The following GIGYF2 variants were observed in gnomAD, a reference collection of about 807,000 sequenced individuals.
GIGYF2 encodes the protein GRB10 interacting GYF protein 2.
Under a neutral mutation model 208.1 loss-of-function variants are expected in GIGYF2, and 25 were observed. The observed-to-expected ratio is 0.12, with a 90% CI of 0.09 to 0.17. The LOEUF (loss-of-function observed/expected upper bound fraction) is 0.17, where lower values mean the gene tolerates loss of function less well. GIGYF2 is among the 10% of genes least tolerant of loss of function. The pLI is 1.00. For synonymous variants in GIGYF2, 534 were observed against 543.8 expected, an observed-to-expected ratio of 0.98 and a Z score of 0.25; for missense variants, 1,302 against 1,579.4, an observed-to-expected ratio of 0.82 and a Z score of 2.98.
Position 232,760,532 on chromosome 2 carries a change from G to A in GIGYF2, c.432G>A (p.Glu144=). The A allele has an allele frequency of 6.2e-7, 1 of 1,613,816 alleles. No homozygotes were observed. The highest frequency in any genetic ancestry group is 8.5e-7 in the Non-Finnish European group (1 of 1,179,858). ...ACCAAAGAAGTTTTGATGAAGTAGAGGGTGTTTTTGGTCGAGGAGGTGGCA... is the reference window on the plus strand; with the variant it reads ...ACCAAAGAAGTTTTGATGAAGTAGAAGGTGTTTTTGGTCGAGGAGGTGGCA... The part of the protein sequence containing the change: ...GFYQRSFDEV[E]GVFGRGGGRE... Residue 144 remains glutamate, a synonymous_variant, in exon 7 of 29, where the codon GAG becomes GAA. Coordinates refer to ENST00000373563, the MANE Select transcript of GIGYF2 (RefSeq NM_001103146.3).
In GIGYF2 at chr2:232,796,051, TCTGTTA is replaced by T; in HGVS notation, c.1480-8_1480-3del. 6.2e-7 allele frequency: 1 copy of T among 1,603,840 alleles called. No individual in the cohort carries two copies. Among genetic ancestry groups the T allele is most frequent in the Non-Finnish European group, 8.5e-7 (1 of 1,170,650 alleles). ...CATTTGTTTCCTTGATTTTTGTTTT[TCTGTTA>T]CTAGCAAGCTGAGAAAATGGTGGCT... On this transcript the variant is annotated splice_polypyrimidine_tract_variant and splice_region_variant and intron_variant, in intron 13 of 28. Transcript: ENST00000373563.
At chr2:232,769,731 C>G (rs1251681266) in intron 8 of GIGYF2, among the ~76,000 whole-genome samples, 1 of 151,682 alleles carries the variant, frequency 6.6e-6, no homozygotes, top group Non-Finnish European at 1.5e-5. Flanking sequence ...TTGGTAAGGT[C>G]TAAGAAGTAA....
intron 14 of GIGYF2, among the ~76,000 whole-genome samples, chr2:232,802,102 T>G (rs985453928): frequency 1.3e-5 from 2 of 152,220 alleles, no homozygotes; most frequent in African/African-American, 2.4e-5. Flanking sequence ...AACTGATTTT[T>G]CAGCGTTGAC....
chr2:232,710,236 G>A lies in GIGYF2; in HGVS notation c.-44+6747G>A, dbSNP rs376531223. 5.1e-3 allele frequency among the ~76,000 whole-genome samples: 781 copies of A among 152,206 alleles called. 4 individuals carry two copies. The highest frequency in any genetic ancestry group is 0.018 in the African/African-American group (756 of 41,522). ...GGCCTCCCAAAGTGCTGGGATTACA[G>A]GTGTGAGCCACCGCGCCTGGCCTAA... is the stretch of plus-strand genomic sequence containing the variant. On this transcript the variant is annotated intron_variant, in intron 2 of 28. Coordinates refer to ENST00000373563, the MANE Select transcript of GIGYF2 (RefSeq NM_001103146.3).
chr2:232,722,408 T>C (rs1696986197), intron 2 of GIGYF2: 1 of 152,088 alleles, frequency 6.6e-6, no homozygotes. Flanking sequence ...GAGAACAGCA[T>C]GGGGGAAACC....
intron 3 of GIGYF2, among the ~76,000 whole-genome samples, chr2:232,736,963 A>G (rs1376528902): frequency 2.0e-5 from 3 of 152,350 alleles, no homozygotes; most frequent in East Asian, 3.9e-4. Context: ...ATCAATACAC[A>G]TTTAGCTTGA....
intron 14 of GIGYF2, among the ~76,000 whole-genome samples, chr2:232,801,529 T>C (rs1170242660): frequency 6.6e-6 from 1 of 152,208 alleles, no homozygotes; most frequent in Non-Finnish European, 1.5e-5. Context: ...AAAAGACATA[T>C]ACATTATATA....
intron 8 of GIGYF2, among the ~76,000 whole-genome samples, chr2:232,772,557 C>T (rs1323828167): frequency 1.3e-5 from 2 of 152,166 alleles, no homozygotes; most frequent in African/African-American, 4.8e-5. Flanking sequence ...ATCCTTTTCT[C>T]AAGGTGGTGA....
At chr2:232,847,226 C>A in intron 26 of GIGYF2, 122 bp from the exon 27 acceptor site, 1 of 957,236 alleles carries the variant, frequency 1.0e-6, no homozygotes, top group South Asian at 1.3e-5. Flanking sequence ...TGCATACTTA[C>A]CAAGTGTCTG....
At position 232,760,556 on chromosome 2, in the gene GIGYF2, C is replaced by G. The variant is rs1274137864; in HGVS notation, c.456C>G (p.Gly152=). 6.2e-7 allele frequency: 1 copy of G among 1,612,282 alleles called. No homozygotes were observed. The highest frequency in any genetic ancestry group is 8.5e-7 in the Non-Finnish European group (1 of 1,178,816). The change falls in exon 7 of 29, where the codon GGC becomes GGG. Residue 152 remains glycine, a synonymous_variant. Transcript: ENST00000373563. ...EVEGVFGRGG[G]REMHRSQSWE... is the part of the protein sequence containing the mutation. ...AGGGTGTTTTTGGTCGAGGAGGTGG[C>G]AGAGAAATGCATAGATCGCAGAGCT... is the stretch of plus-strand genomic sequence containing the variant.
rs149969897 is a variant in GIGYF2, at chr2:232,856,806, T to C, written c.3846T>C (p.Asn1282=). The part of the protein sequence containing the change: ...ADPSLLGFSV[N]ASSERLNMGE... ...TTTTTTCTGCAGGATTTTCAGTCAA[T>C]GCATCATCGGAGCGACTCAACATGG... The change falls in exon 29 of 29, where the codon AAT becomes AAC. Residue 1282 remains asparagine, a synonymous_variant. Coordinates refer to ENST00000373563, the MANE Select transcript of GIGYF2 (RefSeq NM_001103146.3). 3.8e-4 allele frequency: 619 copies of C among 1,612,868 alleles called. No homozygotes were observed. Among genetic ancestry groups the C allele is most frequent in the Non-Finnish European group, 5.0e-4 (593 of 1,178,916 alleles).
At position 232,796,120 on chromosome 2, in the gene GIGYF2, C is replaced by A; in HGVS notation, c.1538C>A (p.Ala513Glu). 2 of 1,604,116 alleles carry A rather than the reference C, an allele frequency of 1.2e-6. No homozygotes were observed. The highest frequency in any genetic ancestry group is 1.7e-6 in the Non-Finnish European group (2 of 1,170,878). ...QDSALDDERL[A>E]SKLQEHRAKG... Reference sequence around the variant, plus strand: ...AGTGCACTAGATGATGAAAGATTGGCATCAAAACTGCAAGAGCACAGAGCT... The same window carrying A: ...AGTGCACTAGATGATGAAAGATTGGAATCAAAACTGCAAGAGCACAGAGCT... Residue 513 changes from alanine to glutamate, a missense_variant, in exon 14 of 29, where the codon GCA becomes GAA. By Grantham distance (107) the Ala-to-Glu change is moderately radical. This residue lies in a region of GIGYF2 where 69 missense variants were observed against 132.8 expected (regional missense o/e 0.52). Transcript: ENST00000373563.
chr2:232,855,797 C>G (rs984022847), intron 28 of GIGYF2, among the ~76,000 whole-genome samples: 2 of 152,110 alleles, frequency 1.3e-5, no homozygotes, highest in African/African-American at 4.8e-5. Flanking sequence ...AACCCCCCTG[C>G]CCACCCCCAT....
intron 8 of GIGYF2, chr2:232,766,389 T>C: frequency 6.0e-6 from 1 of 166,746 alleles, no homozygotes; most frequent in Non-Finnish European, 1.3e-5. Flanking sequence ...TATGTCACCT[T>C]GGGCAGCTTC....
chr2:232,726,300 C>T (rs1205804493), intron 2 of GIGYF2, among the ~76,000 whole-genome samples: 4 of 144,880 alleles, frequency 2.8e-5, no homozygotes, highest in South Asian at 4.4e-4. Context: ...ACCTGGGAGG[C>T]GGAGGTTGCA....
chr2:232,791,489 T>C, intron 12 of GIGYF2, 43 bp downstream of exon 12: 2 of 1,528,498 alleles, frequency 1.3e-6, no homozygotes, highest in South Asian at 2.3e-5. Context: ...AGGATTCTGC[T>C]GAGGCCAGTG....
Position 232,796,103 on chromosome 2 carries a change from AGAT to A in GIGYF2, c.1527_1529del (p.Asp509del), listed in dbSNP as rs750125185. ...TGGCTTATCTCCAAGACAGTGCACT[AGAT>A]GATGAAAGATTGGCATCAAAACTGC... On this transcript the variant is annotated inframe_deletion, in exon 14 of 29. Coordinates refer to ENST00000373563, the MANE Select transcript of GIGYF2 (RefSeq NM_001103146.3). 1 of 1,609,276 alleles carries A rather than the reference AGAT, an allele frequency of 6.2e-7. No homozygotes were observed.
At position 232,784,386 on chromosome 2, in the gene GIGYF2, C is replaced by CTTTTTT. The variant is rs10645449; in HGVS notation, c.533-2748_533-2743dup. Among the ~76,000 whole-genome samples the CTTTTTT allele has an allele frequency of 2.2e-3, 202 of 92,300 alleles. 10 individuals carry two copies. The highest frequency in any genetic ancestry group is 5.6e-3 in the East Asian group (16 of 2,850). 60.6% of individuals were successfully genotyped at this position (92,300 alleles called of 152,430 possible). ...TCTAGCTACTTACACGAAATAATTTCTTTTTTTTTTTTTTTTTTTTTGAGA... is the reference window on the plus strand; with the variant it reads ...TCTAGCTACTTACACGAAATAATTTCTTTTTTTTTTTTTTTTTTTTTTTTTTTGAGA... On this transcript the variant is annotated intron_variant, in intron 8 of 28. Transcript: ENST00000373563.
At chr2:232,776,009 C>T (rs1055465301) in intron 8 of GIGYF2, among the ~76,000 whole-genome samples, 2 of 152,196 alleles carry the variant, frequency 1.3e-5, no homozygotes, top group East Asian at 1.9e-4. Flanking sequence ...TAAAAATTTA[C>T]GATTAGGATA....
Sources: gnomAD v4.1 joint callset for allele counts (sites outside exome capture counted in the v4.1 genomes callset) on GRCh38, gnomAD v4.1.1 for gene constraint, gnomAD v4.1.1 regional missense constraint, MANE v1.5 for transcripts, NCBI Gene and HGNC (gene_info 2026-07-23, HGNC 2026-07-21) for gene names.